Variants in DCC observed in about 807,000 individuals in gnomAD.
DCC encodes DCC netrin 1 receptor.
DCC carries 58 observed loss-of-function variants against 172.5 expected under a neutral mutation model. The observed-to-expected ratio is 0.34, with a 90% CI of 0.27 to 0.42. The LOEUF is 0.42. Ranked by LOEUF, DCC falls within the 10% of genes least tolerant of loss-of-function variation. The pLI, the probability that DCC is intolerant of heterozygous loss-of-function variation, is 1.00. For synonymous variants in DCC, 709 were observed against 644.5 expected (o/e 1.10, Z -1.52); for missense variants, 1,740 against 1,791.0 (o/e 0.97, Z 0.51).
At chr18:53,203,245 G>A (rs1341163748) in intron 9 of DCC, among the ~76,000 whole-genome samples, 1 of 151,598 alleles carries the variant, frequency 6.6e-6, no homozygotes, top group Non-Finnish European at 1.5e-5. Flanking sequence ...GCGTGTGTGT[G>A]TGTATGTAAT....
intron 26 of DCC, among the ~76,000 whole-genome samples, chr18:53,487,902 A>G (rs772798850): frequency 6.6e-6 from 1 of 152,216 alleles, no homozygotes; most frequent in Non-Finnish European, 1.5e-5. Context: ...AAAGATGTAG[A>G]AAGTCTAATA....
intron 28 of DCC, 178 bp downstream of exon 28, chr18:53,526,937 T>A: frequency 4.6e-6 from 3 of 658,534 alleles, no homozygotes; most frequent in African/African-American, 1.8e-5. Context: ...AAATAAAAGC[T>A]ATGAAAAAAA....
At chr18:52,417,505 G>A (rs896277525) in intron 1 of DCC, among the ~76,000 whole-genome samples, 3 of 152,078 alleles carry the variant, frequency 2.0e-5, no homozygotes, top group Non-Finnish European at 4.4e-5. Flanking sequence ...ACTTTCAGGT[G>A]CACCAATCAG....
In DCC at chr18:52,497,314, T is replaced by TATATATATATATAC. The variant is rs1281625390; in HGVS notation, c.91+156437_91+156438insTATATATATATACA. ...ATATATATATATATATATATATATA[T>TATATATATATATAC]ACACACACACATATATATACACACG... On this transcript the variant is annotated intron_variant, in intron 1 of 28. Transcript: ENST00000442544. Among the ~76,000 whole-genome samples the TATATATATATATAC allele has an allele frequency of 4.7e-4, 35 of 73,968 alleles. 2 individuals are homozygous for TATATATATATATAC. The highest frequency in any genetic ancestry group is 1.7e-3 in the African/African-American group (33 of 19,780). 48.5% of individuals were successfully genotyped at this position (73,968 alleles called of 152,430 possible). A position where few individuals can be genotyped will look rare whatever the true frequency, so the allele number is the denominator to read the frequency against.
chr18:53,142,282 C>T (rs1190675391), intron 7 of DCC, among the ~76,000 whole-genome samples: 2 of 152,324 alleles, frequency 1.3e-5, no homozygotes, highest in East Asian at 1.9e-4. Context: ...GCAGTCTGAA[C>T]GCTTTGTGTC....
chr18:52,382,255 A>G (rs72916954), intron 1 of DCC, among the ~76,000 whole-genome samples: 14,105 of 152,186 alleles, frequency 0.093, 790 homozygotes, highest in South Asian at 0.16. Flanking sequence ...TACGTGCTAT[A>G]ATAAAATTAT....
At chr18:53,338,409 C>G (rs118000577) in intron 14 of DCC, among the ~76,000 whole-genome samples, 436 of 152,256 alleles carry the variant, frequency 2.9e-3, no homozygotes, top group Non-Finnish European at 4.9e-3. Context: ...CAAGATAATC[C>G]TGGCCAAGAT....
chr18:53,066,741 T>G (rs2144092558), intron 7 of DCC, among the ~76,000 whole-genome samples: 1 of 152,104 alleles, frequency 6.6e-6, no homozygotes. Flanking sequence ...TGTTCTCCAC[T>G]GCTATAGAGA....
At chr18:52,738,708 A>T (rs907730558) in intron 1 of DCC, among the ~76,000 whole-genome samples, 1 of 149,688 alleles carries the variant, frequency 6.7e-6, no homozygotes, top group Admixed American at 6.7e-5. Flanking sequence ...ACTTTTTTTT[A>T]CTTTATAAAC....
chr18:53,285,960 C>T (rs1367668794), intron 12 of DCC, among the ~76,000 whole-genome samples: 3 of 152,334 alleles, frequency 2.0e-5, no homozygotes, highest in South Asian at 2.1e-4. Flanking sequence ...TGGCCAATTG[C>T]TCCCATTTGG....
At chr18:53,518,271 G>A (rs2046361301) in intron 27 of DCC, among the ~76,000 whole-genome samples, 1 of 152,118 alleles carries the variant, frequency 6.6e-6, no homozygotes, top group Non-Finnish European at 1.5e-5. Flanking sequence ...TAAAGGAATG[G>A]AAAATGAAGT....
chr18:53,231,970 C>G (rs1235458121), intron 12 of DCC, among the ~76,000 whole-genome samples: 1 of 152,024 alleles, frequency 6.6e-6, no homozygotes, highest in African/African-American at 2.4e-5. Context: ...CATGCTTGAA[C>G]TTTTCTAATG....
intron 1 of DCC, among the ~76,000 whole-genome samples, chr18:52,591,138 G>A (rs2033790478): frequency 6.6e-6 from 1 of 152,102 alleles, no homozygotes; most frequent in Admixed American, 6.6e-5. Context: ...ATTCTATCAG[G>A]AAGGAAAACC....
Position 53,179,044 on chromosome 18 carries a change from C to G in DCC, c.1501C>G (p.Arg501Gly), listed in dbSNP as rs1406742141. 6.2e-7 allele frequency: 1 copy of G among 1,613,868 alleles called. No individual in the cohort carries two copies. The part of the protein sequence containing the change: ...NLKPEAMYTF[R>G]VVAYNEWGPG... ...GAAGCCAGAAGCCATGTACACCTTT[C>G]GAGTTGTGGCTTACAATGAATGGGG... Residue 501 changes from arginine (R) to glycine (G), a missense_variant, in exon 9 of 29, where the codon CGA becomes GGA. By Grantham distance (125) the Arg-to-Gly change is moderately radical (BLOSUM62 -2). Around this residue, in one of 2 missense-constraint regions of DCC, gnomAD observed 1,732 missense variants for 1,767.4 expected, o/e 0.98. Transcript: ENST00000442544.
chr18:53,159,841 T>A (rs2054806382), intron 8 of DCC, among the ~76,000 whole-genome samples: 1 of 152,130 alleles, frequency 6.6e-6, no homozygotes, highest in Admixed American at 6.6e-5. Context: ...GTAAAAGGAA[T>A]AAAAGGAAGA....
chr18:53,166,010 C>A (rs1328593168), intron 8 of DCC, among the ~76,000 whole-genome samples: 2 of 152,114 alleles, frequency 1.3e-5, no homozygotes, highest in Non-Finnish European at 2.9e-5. Flanking sequence ...GTGCCAGAGT[C>A]ATTCAGCAGG....
At chr18:53,023,612 C>T (rs1009813795) in intron 5 of DCC, among the ~76,000 whole-genome samples, 3 of 151,918 alleles carry the variant, frequency 2.0e-5, no homozygotes, top group Non-Finnish European at 2.9e-5. Flanking sequence ...TGGACCCTGT[C>T]GCCAGGCAAA....
At chr18:53,337,631 C>A (rs2057606692) in intron 14 of DCC, among the ~76,000 whole-genome samples, 1 of 152,026 alleles carries the variant, frequency 6.6e-6, no homozygotes, top group Non-Finnish European at 1.5e-5. Flanking sequence ...TTTTTGCCCA[C>A]AAAGGGCCAT....
chr18:53,268,397 T>G (rs2056707194), intron 12 of DCC, among the ~76,000 whole-genome samples: 1 of 152,158 alleles, frequency 6.6e-6, no homozygotes, highest in Non-Finnish European at 1.5e-5. Context: ...ATTAATAAAA[T>G]TTAAAATCAC....
Sources: gnomAD v4.1 joint callset for allele counts (sites outside exome capture counted in the v4.1 genomes callset) on GRCh38, gnomAD v4.1.1 for gene constraint, gnomAD v4.1.1 regional missense constraint, MANE v1.5 for transcripts, NCBI Gene and HGNC (gene_info 2026-07-23, HGNC 2026-07-21) for gene names.